PXYLP1: variants seen among roughly 807,000 people sequenced by gnomAD.
PXYLP1 encodes the protein 2-phosphoxylose phosphatase 1.
Under a neutral mutation model 37.9 loss-of-function variants are expected in PXYLP1, and 17 were observed. That is an observed-to-expected ratio of 0.45 (90% confidence interval 0.31 to 0.67). The LOEUF is 0.67. Ranked by LOEUF, PXYLP1 falls within the 30% of genes least tolerant of loss-of-function variation. The pLI is 0.07. For synonymous variants in PXYLP1, 221 were observed against 232.2 expected, an observed-to-expected ratio of 0.95 and a Z score of 0.44; for missense variants, 511 against 612.0, an observed-to-expected ratio of 0.84 and a Z score of 1.74.
At chr3:141,291,059 C>T (rs936199287) in intron 5 of PXYLP1, among the ~76,000 whole-genome samples, 2 of 152,198 alleles carry the variant, frequency 1.3e-5, no homozygotes, top group African/African-American at 2.4e-5. Flanking sequence ...TCTCAATACT[C>T]TTCATGCACA....
intron 4 of PXYLP1, among the ~76,000 whole-genome samples, chr3:141,283,293 ATT>A (rs1379320119): frequency 2.6e-5 from 4 of 151,838 alleles, no homozygotes; most frequent in Admixed American, 6.6e-5. Context: ...AGTCTGTATA[ATT>A]TTGCAGCTCA....
Position 141,293,367 on chromosome 3 carries a change from T to C in PXYLP1, c.*162T>C. Reference sequence around the variant, plus strand: ...TGGTTGGGGTTGAACAGTAAGCACATTGCTGCAATGTGGTACGTGAATTGC... The same window carrying C: ...TGGTTGGGGTTGAACAGTAAGCACACTGCTGCAATGTGGTACGTGAATTGC... On this transcript the variant is annotated 3_prime_UTR_variant, in exon 6 of 6. Coordinates refer to ENST00000286353, the MANE Select transcript of PXYLP1 (RefSeq NM_001037172.3). 4.2e-6 allele frequency: 3 copies of C among 710,956 alleles called. No homozygotes were observed. The highest frequency in any genetic ancestry group is 2.0e-5 in the South Asian group (1 of 51,064). The allele number at this position is 710,956 out of a possible 1,614,324, so 44.0% of individuals were successfully genotyped here. A position where few individuals can be genotyped will look rare whatever the true frequency, so the allele number is the denominator to read the frequency against.
chr3:141,276,408 G>T (rs565274309), intron 2 of PXYLP1, among the ~76,000 whole-genome samples: 1 of 152,002 alleles, frequency 6.6e-6, no homozygotes, highest in East Asian at 1.9e-4. Flanking sequence ...TTTATGGTTT[G>T]TTTTTTTTCT....
Position 141,292,807 on chromosome 3 carries a change from G to A in PXYLP1, c.1045G>A (p.Ala349Thr), listed in dbSNP as rs200490000. The change falls in exon 6 of 6, where the codon GCC becomes ACC. Residue 349 changes from alanine (A) to threonine (T), a missense_variant. Physicochemically the swap from Ala to Thr is moderately conservative, Grantham distance 58. Coordinates refer to ENST00000286353, the MANE Select transcript of PXYLP1 (RefSeq NM_001037172.3). The surrounding 1 kb of genome is among the most constrained non-coding windows in gnomAD (Gnocchi z 4.3). The part of the protein sequence containing the change: ...KLYFGYSLLG[A>T]HPILNQTIGR... ...GTACTTCGGGTATTCTCTCCTGGGT[G>A]CCCACCCCATCCTGAACCAAACCAT... is the stretch of plus-strand genomic sequence containing the variant. The A allele has an allele frequency of 5.6e-6, 9 of 1,613,574 alleles. No individual in the cohort carries two copies. The highest frequency in any genetic ancestry group is 8.5e-7 in the Non-Finnish European group (1 of 1,179,846).
chr3:141,275,257 C>T (rs1941763875), intron 2 of PXYLP1, among the ~76,000 whole-genome samples: 1 of 152,202 alleles, frequency 6.6e-6, no homozygotes, highest in South Asian at 2.1e-4. Context: ...ACCACTGCTT[C>T]CTTGGGTCAT....
intron 2 of PXYLP1, among the ~76,000 whole-genome samples, chr3:141,276,384 T>C (rs1408316536): frequency 1.3e-5 from 2 of 152,240 alleles, no homozygotes; most frequent in African/African-American, 4.8e-5. Flanking sequence ...AACAAATCCC[T>C]GTATATTTAT....
chr3:141,272,958 ACACCCAGTATTAAC>A, intron 2 of PXYLP1: 1 of 980,634 alleles, frequency 1.0e-6, no homozygotes, highest in South Asian at 4.7e-5. Context: ...AATCAAGTGG[ACACCCAGTATTAAC>A]CATCACATCT....
Position 141,292,504 on chromosome 3 carries a change from C to T in PXYLP1, c.742C>T (p.Pro248Ser). The change falls in exon 6 of 6, where the codon CCG becomes TCG. Residue 248 changes from proline (P) to serine (S), a missense_variant. Physicochemically the swap from Pro to Ser is moderately conservative, Grantham distance 74. Coordinates refer to ENST00000286353, the MANE Select transcript of PXYLP1 (RefSeq NM_001037172.3). The surrounding 1 kb of genome is among the most constrained non-coding windows in gnomAD (Gnocchi z 4.3). ...ALFCSGSCYC[P>S]VRNQYLEKEQ... ...GTTCTGCTCTGGAAGCTGCTATTGC[C>T]CGGTAAGAAACCAGTATCTGGAAAA... 6.2e-7 allele frequency: 1 copy of T among 1,614,184 alleles called. No individual in the cohort carries two copies. The highest frequency in any genetic ancestry group is 8.5e-7 in the Non-Finnish European group (1 of 1,180,040).
intron 5 of PXYLP1, among the ~76,000 whole-genome samples, chr3:141,289,706 G>A (rs1006967012): frequency 6.6e-6 from 1 of 152,146 alleles, no homozygotes; most frequent in East Asian, 1.9e-4. Flanking sequence ...CAAAATTACA[G>A]TCCCAGCCAC....
chr3:141,250,919 A>G lies in PXYLP1; in HGVS notation c.-53-9204A>G, dbSNP rs1941126136. Among the ~76,000 whole-genome samples, 3 of 152,230 alleles carry G rather than the reference A, an allele frequency of 2.0e-5. No homozygotes were observed. The South Asian group carries it at 6.2e-4, about 31-fold the overall frequency. On this transcript the variant is annotated intron_variant, in intron 1 of 5. Coordinates refer to ENST00000286353, the MANE Select transcript of PXYLP1 (RefSeq NM_001037172.3). ...ATCTTTATAGATACATGAATTATTTAAGATAAAACAAAAACTAAAGTGCAA... is the reference window on the plus strand; with the variant it reads ...ATCTTTATAGATACATGAATTATTTGAGATAAAACAAAAACTAAAGTGCAA...
chr3:141,243,722 G>A (rs1255087956), intron 1 of PXYLP1, among the ~76,000 whole-genome samples: 1 of 152,236 alleles, frequency 6.6e-6, no homozygotes, highest in African/African-American at 2.4e-5. Context: ...GGTGGATGGA[G>A]CTGCTGCTAA....
Position 141,287,468 on chromosome 3 carries a change from C to T in PXYLP1, c.505+15C>T, listed in dbSNP as rs1042659838. The T allele has an allele frequency of 1.9e-6, 3 of 1,610,782 alleles. No individual in the cohort carries two copies. Among genetic ancestry groups the T allele is most frequent in the African/African-American group, 1.3e-5 (1 of 74,844 alleles). ...CACACAGACAGGTATGTGTGACCCCCATGCGCTCAGGGGTTCCCCCACCCG... is the reference window on the plus strand; with the variant it reads ...CACACAGACAGGTATGTGTGACCCCTATGCGCTCAGGGGTTCCCCCACCCG... On this transcript the variant is annotated intron_variant, in intron 5 of 5. Coordinates refer to ENST00000286353, the MANE Select transcript of PXYLP1 (RefSeq NM_001037172.3).
intron 2 of PXYLP1, among the ~76,000 whole-genome samples, chr3:141,261,776 G>T (rs1424456237): frequency 1.3e-5 from 2 of 152,182 alleles, no homozygotes; most frequent in African/African-American, 2.4e-5. Context: ...GTAATATTTT[G>T]TAAATGTCTG....
intron 2 of PXYLP1, among the ~76,000 whole-genome samples, chr3:141,272,149 C>T (rs1402521882): frequency 6.6e-6 from 1 of 152,218 alleles, no homozygotes; most frequent in Non-Finnish European, 1.5e-5. Context: ...GTTGGCTTGA[C>T]ACCCTAGGGG....
chr3:141,283,141 A>ATTTTT (rs11355634), intron 4 of PXYLP1, among the ~76,000 whole-genome samples: 1 of 144,850 alleles, frequency 6.9e-6, no homozygotes, highest in Non-Finnish European at 1.5e-5. Flanking sequence ...TAATTTTTGT[A>ATTTTT]TTTTTTTTTT....
chr3:141,282,212 G>C (rs534591449), intron 4 of PXYLP1, among the ~76,000 whole-genome samples: 36 of 152,224 alleles, frequency 2.4e-4, no homozygotes, highest in African/African-American at 8.7e-4. Flanking sequence ...AATGCTCCTA[G>C]CTCTTCCTTC....
chr3:141,243,716 G>A (rs1940869180), intron 1 of PXYLP1, among the ~76,000 whole-genome samples: 1 of 152,236 alleles, frequency 6.6e-6, no homozygotes, highest in African/African-American at 2.4e-5. Context: ...TCGGCAGGTG[G>A]ATGGAGCTGC....
chr3:141,249,576 T>G (rs1040217082), intron 1 of PXYLP1, among the ~76,000 whole-genome samples: 1 of 151,056 alleles, frequency 6.6e-6, no homozygotes, highest in African/African-American at 2.4e-5. Context: ...TTTAATCCTC[T>G]CGTGCTTTCT....
chr3:141,258,135 G>A, intron 1 of PXYLP1, among the ~76,000 whole-genome samples: 1 of 152,256 alleles, frequency 6.6e-6, no homozygotes, highest in East Asian at 1.9e-4. Flanking sequence ...CAACCAGCAG[G>A]CAGGTCGGCC....
Sources: gnomAD v4.1 joint callset for allele counts (sites outside exome capture counted in the v4.1 genomes callset) on GRCh38, gnomAD v4.1.1 for gene constraint, Gnocchi (gnomAD v3.1) non-coding constraint, MANE v1.5 for transcripts, NCBI Gene and HGNC (gene_info 2026-07-23, HGNC 2026-07-21) for gene names.